The following PTPRD variants were observed in gnomAD, a reference collection of about 807,000 sequenced individuals.
PTPRD encodes the protein receptor-type tyrosine-protein phosphatase delta.
In PTPRD, 34 loss-of-function variants were observed where a neutral mutation model predicts 214.5. The ratio of observed to expected loss-of-function variants is 0.16; its 90% CI spans 0.12 to 0.21. The LOEUF is 0.21. Ranked by LOEUF, PTPRD falls within the 10% of genes least tolerant of loss-of-function variation. The pLI is 1.00. For missense variants in PTPRD, 2,545 were observed against 2,398.7 expected, an observed-to-expected ratio of 1.06 and a Z score of -1.27; for synonymous variants, 1,128 against 845.7, an observed-to-expected ratio of 1.33 and a Z score of -5.79.
chr9:8,876,404 A>G (rs543425274), intron 11 of PTPRD, among the ~76,000 whole-genome samples: 60 of 152,326 alleles, frequency 3.9e-4, no homozygotes, highest in African/African-American at 1.4e-3. Context: ...AACACTGGAA[A>G]TAGACCAGGA....
intron 4 of PTPRD, among the ~76,000 whole-genome samples, chr9:10,022,165 G>T (rs1294377013): frequency 7.0e-5 from 1 of 14,256 alleles, no homozygotes; most frequent in Non-Finnish European, 1.5e-4. Flanking sequence ...GTGACCGTGG[G>T]TAAATAAACC....
chr9:8,755,419 C>T (rs1343822021), intron 11 of PTPRD, among the ~76,000 whole-genome samples: 1 of 151,378 alleles, frequency 6.6e-6, no homozygotes, highest in Non-Finnish European at 1.5e-5. Flanking sequence ...ATCCCAGCTA[C>T]TCAGGAGGCT....
intron 10 of PTPRD, among the ~76,000 whole-genome samples, chr9:9,090,602 A>C (rs956906870): frequency 1.3e-5 from 2 of 152,168 alleles, no homozygotes; most frequent in Admixed American, 1.3e-4. Context: ...TTATAAGCCT[A>C]TTTTTGGATG....
intron 14 of PTPRD, among the ~76,000 whole-genome samples, chr9:8,542,808 G>C (rs895717233): frequency 1.3e-5 from 2 of 152,210 alleles, no homozygotes; most frequent in Non-Finnish European, 2.9e-5. Flanking sequence ...ACACACGTGA[G>C]CTCAGCATCC....
chr9:9,442,075 G>A (rs117877710), intron 8 of PTPRD: 1,798 of 152,452 alleles, frequency 0.012, 16 homozygotes, highest in Non-Finnish European at 0.02. Flanking sequence ...GCGCGGTGGC[G>A]CGTGCCTGTG....
intron 10 of PTPRD, among the ~76,000 whole-genome samples, chr9:9,024,700 T>TC (rs2099581440): frequency 6.6e-6 from 1 of 151,886 alleles, no homozygotes. Context: ...TTTTTTCATT[T>TC]GTGTTTATTA....
At chr9:8,809,793 G>A (rs952210997) in intron 11 of PTPRD, among the ~76,000 whole-genome samples, 5 of 152,122 alleles carry the variant, frequency 3.3e-5, no homozygotes, top group African/African-American at 1.2e-4. Context: ...TTGATATGAC[G>A]GGTGTGAGGC....
At chr9:9,792,945 G>A (rs966013568) in intron 5 of PTPRD, among the ~76,000 whole-genome samples, 3 of 151,958 alleles carry the variant, frequency 2.0e-5, no homozygotes, top group Non-Finnish European at 4.4e-5. Flanking sequence ...TAATAGACTT[G>A]GGCAAACAGG....
In PTPRD at chr9:9,177,778, A is replaced by G. The variant is rs1275700136; in HGVS notation, c.-143+5526T>C. On this transcript the variant is annotated intron_variant, in intron 10 of 45. Transcript: ENST00000381196. ...GCCGCTATTTATAGTAGTCCCTATAAAAATGGCTTTGTACTTTAGTTGTTT... is the reference window on the plus strand; with the variant it reads ...GCCGCTATTTATAGTAGTCCCTATAGAAATGGCTTTGTACTTTAGTTGTTT... 3.3e-5 allele frequency among the ~76,000 whole-genome samples: 5 copies of G among 152,170 alleles called. No individual in the cohort carries two copies. The East Asian group carries it at 9.6e-4, about 29-fold the overall frequency.
At chr9:10,258,834 C>G (rs147931000) in intron 3 of PTPRD, among the ~76,000 whole-genome samples, 12 of 152,042 alleles carry the variant, frequency 7.9e-5, no homozygotes, top group African/African-American at 2.7e-4. Flanking sequence ...AATACACTAT[C>G]GTTTTTATTT....
At chr9:8,347,849 T>A (rs917761097) in intron 39 of PTPRD, among the ~76,000 whole-genome samples, 1 of 152,138 alleles carries the variant, frequency 6.6e-6, no homozygotes. Flanking sequence ...GAGAGGCCTC[T>A]CCTGAAACCA....
At chr9:9,003,003 A>G (rs567557748) in intron 11 of PTPRD, among the ~76,000 whole-genome samples, 2 of 152,202 alleles carry the variant, frequency 1.3e-5, no homozygotes, top group East Asian at 3.9e-4. Context: ...CCGTAGAAGT[A>G]TTTAACCCAA....
chr9:10,018,819 G>A (rs1179416543), intron 4 of PTPRD, among the ~76,000 whole-genome samples: 3 of 151,920 alleles, frequency 2.0e-5, no homozygotes. Context: ...AAAGTGCTGG[G>A]ATTACAGGCG....
chr9:8,632,926 G>C (rs1472587153), intron 14 of PTPRD, among the ~76,000 whole-genome samples: 1 of 151,838 alleles, frequency 6.6e-6, no homozygotes, highest in African/African-American at 2.4e-5. Context: ...CTTTAATTCT[G>C]CAAATATCAA....
chr9:10,199,033 C>A (rs1314263150), intron 3 of PTPRD, among the ~76,000 whole-genome samples: 1 of 151,590 alleles, frequency 6.6e-6, no homozygotes, highest in African/African-American at 2.4e-5. Flanking sequence ...ACAGAATTTT[C>A]TTTTTCCTAA....
chr9:9,841,325 A>T (rs2058284280), intron 5 of PTPRD, among the ~76,000 whole-genome samples: 1 of 152,080 alleles, frequency 6.6e-6, no homozygotes, highest in South Asian at 2.1e-4. Flanking sequence ...TCTTGCGTTT[A>T]TTCATAATTT....
Position 9,623,011 on chromosome 9 carries a change from T to A in PTPRD, c.-286-48230A>T, listed in dbSNP as rs569117243. Among the ~76,000 whole-genome samples, 21 of 152,304 alleles carry A rather than the reference T, an allele frequency of 1.4e-4. No individual in the cohort carries two copies. The South Asian group carries it at 3.9e-3, about 29-fold the overall frequency. On this transcript the variant is annotated intron_variant, in intron 7 of 45. Transcript: ENST00000381196. ...TACAGTTTGCTACCTTGTGTGGTAA[T>A]AGAAAATGTTAGCTTAGGCATTCAA...
chr9:9,731,902 T>G (rs1163859494), intron 7 of PTPRD, among the ~76,000 whole-genome samples: 1 of 152,162 alleles, frequency 6.6e-6, no homozygotes, highest in Non-Finnish European at 1.5e-5. Context: ...ATGACATTGT[T>G]TCCTCATTTA....
At chr9:9,041,573 A>C (rs560709891) in intron 10 of PTPRD, among the ~76,000 whole-genome samples, 3 of 152,286 alleles carry the variant, frequency 2.0e-5, no homozygotes, top group African/African-American at 7.2e-5. Context: ...GCATAGTAAG[A>C]ATTCCTTTTC....
Sources: allele counts gnomAD v4.1 joint callset (sites outside exome capture counted in the v4.1 genomes callset), GRCh38; gene constraint gnomAD v4.1.1; transcripts MANE v1.5; gene names NCBI Gene and HGNC (gene_info 2026-07-23, HGNC 2026-07-21).